PNOC: variants seen among roughly 807,000 people sequenced by gnomAD.
The protein encoded by PNOC is nociceptin.
In PNOC, 10 loss-of-function variants were observed where a neutral mutation model predicts 15.6. The ratio of observed to expected loss-of-function variants is 0.64; its 90% CI spans 0.40 to 1.09. The LOEUF (loss-of-function observed/expected upper bound fraction) is 1.09. PNOC is among the 50% of genes least tolerant of loss of function. The pLI, the probability that PNOC is intolerant of heterozygous loss-of-function variation, is 0.01. For missense variants in PNOC, 220 were observed against 223.9 expected, an observed-to-expected ratio of 0.98 and a Z score of 0.11; for synonymous variants, 98 against 88.5, an observed-to-expected ratio of 1.11 and a Z score of -0.60.
rs1328290705 is a variant in PNOC at position 28,339,488 on chromosome 8, A to T, written c.*44A>T. Reference sequence around the variant, plus strand: ...CCAGCTGTACCGGCCACTGCAACCCATGAGTGAGTTGGGCACCAATAAGCT... The same window carrying T: ...CCAGCTGTACCGGCCACTGCAACCCTTGAGTGAGTTGGGCACCAATAAGCT... On this transcript the variant is annotated 3_prime_UTR_variant, in exon 3 of 4. Transcript: ENST00000301908. The T allele has an allele frequency of 1.6e-5, 24 of 1,498,282 alleles. No individual in the cohort carries two copies. The highest frequency in any genetic ancestry group is 2.0e-5 in the Non-Finnish European group (23 of 1,125,578). The allele number at this position is 1,498,282 out of a possible 1,614,324, so 92.8% of individuals were successfully genotyped here. A position where few individuals can be genotyped will look rare whatever the true frequency, so the allele number is the denominator to read the frequency against.
At chr8:28,326,967 A>G (rs1416570566) in intron 1 of PNOC, among the ~76,000 whole-genome samples, 1 of 152,340 alleles carries the variant, frequency 6.6e-6, no homozygotes, top group East Asian at 1.9e-4. Context: ...TGCAGGGTGC[A>G]TTGGAGTACC....
intron 1 of PNOC, 126 bp from the exon 2 acceptor site, chr8:28,329,009 C>A: frequency 1.1e-6 from 1 of 922,124 alleles, no homozygotes; most frequent in Non-Finnish European, 1.7e-6. Context: ...AATCACAGGC[C>A]CCTAGTGCCA....
chr8:28,335,717 C>T (rs1381992302), intron 2 of PNOC, among the ~76,000 whole-genome samples: 2 of 152,054 alleles, frequency 1.3e-5, no homozygotes, highest in African/African-American at 2.4e-5. Context: ...TAAGTAGAGA[C>T]AGGGTTTCTC....
chr8:28,329,053 G>T, intron 1 of PNOC, 82 bp from the exon 2 acceptor site: 3 of 1,354,526 alleles, frequency 2.2e-6, no homozygotes, highest in South Asian at 2.5e-5. Context: ...TGTCTTTCCT[G>T]CATTCTCTGG....
chr8:28,327,322 T>C (rs1801240680), intron 1 of PNOC, among the ~76,000 whole-genome samples: 1 of 152,238 alleles, frequency 6.6e-6, no homozygotes, highest in Non-Finnish European at 1.5e-5. Context: ...TGCACACCTT[T>C]CAGGCAATCC....
chr8:28,332,407 C>T (rs1177307154), intron 2 of PNOC, among the ~76,000 whole-genome samples: 1 of 152,108 alleles, frequency 6.6e-6, no homozygotes, highest in Non-Finnish European at 1.5e-5. Context: ...GGATCCTTGG[C>T]TTCATCAAGA....
intron 2 of PNOC, among the ~76,000 whole-genome samples, chr8:28,331,193 C>T (rs1168886066): frequency 6.6e-6 from 1 of 152,174 alleles, no homozygotes; most frequent in East Asian, 1.9e-4. Context: ...AATTCACTTA[C>T]TATATTATAC....
chr8:28,340,641 TC>T (rs1318874331), intron 3 of PNOC, among the ~76,000 whole-genome samples: 1 of 152,240 alleles, frequency 6.6e-6, no homozygotes, highest in Non-Finnish European at 1.5e-5. Flanking sequence ...GCTGGGTACT[TC>T]ATAAACAAAG....
At chr8:28,334,324 T>C (rs753930062) in intron 2 of PNOC, among the ~76,000 whole-genome samples, 1 of 152,210 alleles carries the variant, frequency 6.6e-6, no homozygotes, top group Non-Finnish European at 1.5e-5. Flanking sequence ...TGTTCTGTGA[T>C]GGCTTCTTCC....
At chr8:28,338,510 G>A (rs1453898963) in intron 2 of PNOC, 11 of 756,550 alleles carry the variant, frequency 1.5e-5, no homozygotes, top group Non-Finnish European at 1.8e-5. Flanking sequence ...AGTGACGACT[G>A]CTGTACGCGG....
chr8:28,338,008 C>CG (rs1283633540), intron 2 of PNOC, among the ~76,000 whole-genome samples: 1 of 151,928 alleles, frequency 6.6e-6, no homozygotes, highest in Admixed American at 6.6e-5. Flanking sequence ...GAGATGAATA[C>CG]GGGCCAGTTG....
chr8:28,342,089 A>G (rs1344579833), intron 3 of PNOC, among the ~76,000 whole-genome samples: 1 of 152,190 alleles, frequency 6.6e-6, no homozygotes, highest in Non-Finnish European at 1.5e-5. Context: ...TCATGCCTAT[A>G]ATCCCAGTGC....
intron 1 of PNOC, among the ~76,000 whole-genome samples, chr8:28,320,092 C>CTTTCT (rs1801123908): frequency 1.0e-4 from 3 of 29,728 alleles, no homozygotes; most frequent in Non-Finnish European, 1.8e-4. Context: ...TTCTTTCTTT[C>CTTTCT]TTTTTTTTTT....
rs1026468374 is a variant in PNOC at position 28,317,301 on chromosome 8, G to T, written c.-39G>T. 6.6e-6 allele frequency: 1 copy of T among 152,398 alleles called. No individual in the cohort carries two copies. The highest frequency in any genetic ancestry group is 2.4e-5 in the African/African-American group (1 of 41,410). 9.4% of individuals were successfully genotyped at this position (152,398 alleles called of 1,614,324 possible). A position where few individuals can be genotyped will look rare whatever the true frequency, so the allele number is the denominator to read the frequency against. On this transcript the variant is annotated 5_prime_UTR_variant, in exon 1 of 4. Coordinates refer to ENST00000301908, the MANE Select transcript of PNOC (RefSeq NM_006228.5). The stretch of plus-strand genomic sequence containing the variant: ...CTCGCATCCATCGGAGGGAGCCGGG[G>T]ACTGACAGCTCTCAGGTAGGCAACT...
At chr8:28,338,239 C>G (rs371348557) in intron 2 of PNOC, among the ~76,000 whole-genome samples, 1 of 152,046 alleles carries the variant, frequency 6.6e-6, no homozygotes, top group Admixed American at 6.6e-5. Flanking sequence ...GAACCAAGAA[C>G]GTGGGAGGTG....
chr8:28,329,604 C>T (rs546631628), intron 2 of PNOC, among the ~76,000 whole-genome samples: 1 of 152,270 alleles, frequency 6.6e-6, no homozygotes, highest in South Asian at 2.1e-4. Context: ...TTAAATCCTC[C>T]TTAATTACAC....
At chr8:28,323,269 G>T (rs1275607325) in intron 1 of PNOC, among the ~76,000 whole-genome samples, 1 of 152,154 alleles carries the variant, frequency 6.6e-6, no homozygotes, top group Non-Finnish European at 1.5e-5. Flanking sequence ...AAAAGAAAAG[G>T]CAATTCAACA....
intron 1 of PNOC, among the ~76,000 whole-genome samples, chr8:28,320,001 G>A (rs1801120438): frequency 6.6e-6 from 1 of 151,512 alleles, no homozygotes; most frequent in Non-Finnish European, 1.5e-5. Context: ...AGTTTTCTGG[G>A]CATCTCCCTG....
At chr8:28,318,203 AC>A (rs1438952547) in intron 1 of PNOC, among the ~76,000 whole-genome samples, 1 of 152,000 alleles carries the variant, frequency 6.6e-6, no homozygotes, top group East Asian at 1.9e-4. Context: ...CGGCTTCACT[AC>A]CCAGCCCCTC....
Sources: allele counts gnomAD v4.1 joint callset (sites outside exome capture counted in the v4.1 genomes callset), GRCh38; gene constraint gnomAD v4.1.1; transcripts MANE v1.5; gene names NCBI Gene and HGNC (gene_info 2026-07-23, HGNC 2026-07-21).